DPP6: variants seen among roughly 807,000 people sequenced by gnomAD.
DPP6 encodes dipeptidyl peptidase like 6, also known as A-type potassium channel modulatory protein DPP6.
DPP6 carries 69 observed loss-of-function variants against 122.6 expected under a neutral mutation model. That is an observed-to-expected ratio of 0.56 (90% CI 0.46 to 0.69). The LOEUF (loss-of-function observed/expected upper bound fraction) is 0.69, where lower values mean the gene tolerates loss of function less well. DPP6 is among the 30% of genes least tolerant of loss of function. The pLI is 0.00. For missense variants in DPP6, 928 were observed against 1,116.9 expected (o/e 0.83, Z 2.41); for synonymous variants, 418 against 433.1 (o/e 0.97, Z 0.43).
At chr7:154,009,051 G>A (rs1310299496) in intron 1 of DPP6, among the ~76,000 whole-genome samples, 1 of 120,084 alleles carries the variant, frequency 8.3e-6, no homozygotes, top group Non-Finnish European at 1.7e-5. Context: ...TCTCTCTTCA[G>A]CATATCCCAG....
At chr7:154,580,779 T>G (rs541857218) in intron 5 of DPP6, among the ~76,000 whole-genome samples, 1 of 152,192 alleles carries the variant, frequency 6.6e-6, no homozygotes, top group African/African-American at 2.4e-5. Context: ...ACCTTCCCGG[T>G]GCGATCACTG....
At chr7:154,220,278 G>A (rs1800230221) in intron 1 of DPP6, among the ~76,000 whole-genome samples, 1 of 152,116 alleles carries the variant, frequency 6.6e-6, no homozygotes, top group South Asian at 2.1e-4. Context: ...CATTCCTTCT[G>A]TCATGTGAGG....
At chr7:154,495,885 C>T (rs1824690264) in intron 3 of DPP6, among the ~76,000 whole-genome samples, 2 of 152,154 alleles carry the variant, frequency 1.3e-5, no homozygotes, top group African/African-American at 4.8e-5. Context: ...AAAAGACACA[C>T]TGAACATTTG....
intron 1 of DPP6, chr7:154,095,428 C>CT (rs1805256926): frequency 7.0e-6 from 1 of 142,732 alleles, no homozygotes; most frequent in Admixed American, 7.2e-5. Context: ...AGGGGGCGCT[C>CT]TTTTTTGGAT....
At chr7:154,673,965 T>C (rs1054667288) in intron 7 of DPP6, among the ~76,000 whole-genome samples, 14 of 151,496 alleles carry the variant, frequency 9.2e-5, no homozygotes, top group Admixed American at 8.6e-4. Context: ...AACCTCCACC[T>C]CCTGGGTTCA....
intron 7 of DPP6, among the ~76,000 whole-genome samples, chr7:154,705,666 G>A (rs929009773): frequency 2.0e-5 from 3 of 152,192 alleles, no homozygotes; most frequent in Non-Finnish European, 2.9e-5. Flanking sequence ...CCATTGTGGG[G>A]GCCAGGGCTC....
intron 3 of DPP6, among the ~76,000 whole-genome samples, chr7:154,490,471 C>T (rs988200208): frequency 4.6e-5 from 7 of 152,178 alleles, no homozygotes; most frequent in African/African-American, 1.7e-4. Flanking sequence ...GTCAGCAGTG[C>T]CCCGTGGCTG....
chr7:154,570,674 G>C (rs953801233), intron 5 of DPP6, among the ~76,000 whole-genome samples: 8 of 152,116 alleles, frequency 5.3e-5, no homozygotes, highest in Non-Finnish European at 8.8e-5. Flanking sequence ...TAATTAGCAT[G>C]CTTTTTCCTA....
chr7:154,325,383 T>G (rs1808361083), intron 1 of DPP6, among the ~76,000 whole-genome samples: 1 of 152,200 alleles, frequency 6.6e-6, no homozygotes, highest in Admixed American at 6.5e-5. Context: ...AAAAAATACT[T>G]GCTTTCCAGA....
In DPP6 at chr7:153,973,437, G is replaced by A. The variant is rs146587123; in HGVS notation, c.51+85703G>A. Among the ~76,000 whole-genome samples the A allele has an allele frequency of 4.6e-5, 7 of 152,270 alleles. No homozygotes were observed. The East Asian group carries it at 1.4e-3, about 29-fold the overall frequency. ...GGCCAAGTAGGCATAATCTAAAATG[G>A]ACTATGTGGAGGTCCCGTGGGCAAG... On this transcript the variant is annotated intron_variant, in intron 1 of 25. Transcript: ENST00000404039.
intron 1 of DPP6, among the ~76,000 whole-genome samples, chr7:154,178,475 C>T (rs1284956797): frequency 1.3e-5 from 2 of 148,548 alleles, no homozygotes; most frequent in African/African-American, 5.0e-5. Flanking sequence ...GCAATTGTTT[C>T]ACAGTTTTAT....
At chr7:154,644,964 G>T (rs1328164626) in intron 6 of DPP6, among the ~76,000 whole-genome samples, 1 of 151,898 alleles carries the variant, frequency 6.6e-6, no homozygotes, top group Non-Finnish European at 1.5e-5. Flanking sequence ...ACCCGCCTTG[G>T]CCTCCCAATA....
chr7:154,047,391 G>C (rs1800073299), intron 1 of DPP6, among the ~76,000 whole-genome samples: 1 of 149,754 alleles, frequency 6.7e-6, no homozygotes, highest in Non-Finnish European at 1.5e-5. Context: ...GTTTGAAAAG[G>C]GCAAGGCGCT....
intron 16 of DPP6, among the ~76,000 whole-genome samples, chr7:154,828,971 G>A (rs1299333737): frequency 6.6e-6 from 1 of 152,168 alleles, no homozygotes. Flanking sequence ...ACCTTTGTAA[G>A]TCATGCTATC....
intron 1 of DPP6, among the ~76,000 whole-genome samples, chr7:153,958,377 G>A (rs1795167075): frequency 6.6e-6 from 1 of 152,100 alleles, no homozygotes; most frequent in African/African-American, 2.4e-5. Context: ...AGAGAACAGG[G>A]AGGACCCCAT....
At chr7:154,364,834 G>A (rs983132989) in intron 1 of DPP6, among the ~76,000 whole-genome samples, 11 of 152,132 alleles carry the variant, frequency 7.2e-5, no homozygotes, top group Admixed American at 4.6e-4. Context: ...CATCGGAACC[G>A]GCACAGTAGT....
intron 16 of DPP6, among the ~76,000 whole-genome samples, chr7:154,837,510 C>T: frequency 6.6e-6 from 1 of 152,254 alleles, no homozygotes; most frequent in Non-Finnish European, 1.5e-5. Flanking sequence ...AGCCACAGTT[C>T]ATCCCACTGC....
intron 10 of DPP6, among the ~76,000 whole-genome samples, chr7:154,774,669 T>A (rs1332570277): frequency 6.6e-6 from 1 of 152,232 alleles, no homozygotes; most frequent in South Asian, 2.1e-4. Flanking sequence ...TGCTTCTCTA[T>A]CACACATCTT....
chr7:154,642,074 T>C (rs1480925679), intron 6 of DPP6, among the ~76,000 whole-genome samples: 2 of 152,216 alleles, frequency 1.3e-5, no homozygotes, highest in African/African-American at 4.8e-5. Context: ...GTTTATAGAC[T>C]GAGATCCAGA....
Sources: gnomAD v4.1 joint callset for allele counts (sites outside exome capture counted in the v4.1 genomes callset) on GRCh38, gnomAD v4.1.1 for gene constraint, MANE v1.5 for transcripts, NCBI Gene and HGNC (gene_info 2026-07-23, HGNC 2026-07-21) for gene names.